PGGHG: variants seen among roughly 807,000 people sequenced by gnomAD.
PGGHG encodes the protein ATH1, acid trehalase-like 1.
PGGHG carries 67 observed loss-of-function variants against 74.5 expected under a neutral mutation model. The observed-to-expected ratio is 0.90, with a 90% CI of 0.74 to 1.10. The LOEUF is 1.10. PGGHG is among the 50% of genes least tolerant of loss of function. PGGHG has a pLI of 0.00. For synonymous variants in PGGHG, 496 were observed against 419.9 expected (o/e 1.18, Z -2.21); for missense variants, 1,034 against 981.5 (o/e 1.05, Z -0.72).
At position 294,626 on chromosome 11, in the gene PGGHG, C is replaced by T. The variant is rs376309304; in HGVS notation, c.2091C>T (p.Ser697=). ...CACCCCCGAAGCTGCCTGGAAGTTC[C>T]AGCTCCGAGTTCCCTGGGAGGACTT... ...QMSPPKLPGS[S]SSEFPGRTFS... Residue 697 remains serine, a synonymous_variant, in exon 14 of 14, where the codon TCC becomes TCT. Transcript: ENST00000409548. 4 of 1,525,616 alleles carry T rather than the reference C, an allele frequency of 2.6e-6. No homozygotes were observed. The highest frequency in any genetic ancestry group is 3.6e-6 in the Non-Finnish European group (4 of 1,125,746). The allele number at this position is 1,525,616 out of a possible 1,614,324, so 94.5% of individuals were successfully genotyped here.
intron 5 of PGGHG, 145 bp from the exon 6 acceptor site, chr11:292,401 G>A (rs568817235): frequency 9.0e-6 from 10 of 1,105,244 alleles, no homozygotes; most frequent in Admixed American, 4.7e-5. Context: ...CCGTGAGGAC[G>A]TGCAGTGGGC....
In PGGHG at chr11:293,608, C is replaced by T; in HGVS notation, c.1495C>T (p.Gln499Ter). The part of the protein sequence containing the change: ...DGYEPGEVVK[Q>*]ADVVLLGYPV... ...CCTCCCTGTAGGAGAGGTGGTGAAG[C>T]AGGCAGACGTCGTGCTCCTGGGATA... Residue 499 changes from glutamine to a stop codon, truncating the protein, a stop_gained, in exon 10 of 14, where the codon CAG (glutamine) becomes TAG (stop). Coordinates refer to ENST00000409548, the MANE Select transcript of PGGHG (RefSeq NM_025092.5). LOFTEE classifies it high-confidence loss of function. 1.4e-5 allele frequency: 22 copies of T among 1,613,576 alleles called. No individual in the cohort carries two copies. Among genetic ancestry groups the T allele is most frequent in the Non-Finnish European group, 1.7e-5 (20 of 1,179,980 alleles).
chr11:291,022 C>T lies in PGGHG; in HGVS notation c.815C>T (p.Ala272Val), dbSNP rs774149920. Reference sequence around the variant, plus strand: ...CTCAGTGCCCTGCCCCAGCCCAAGGCCCCAGGATACATCTGCCATGGCCTC... The same window carrying T: ...CTCAGTGCCCTGCCCCAGCCCAAGGTCCCAGGATACATCTGCCATGGCCTC... ...YLLSALPQPKAPGYICHGLSP... is the reference protein window; with the variant it reads ...YLLSALPQPKVPGYICHGLSP... Residue 272 changes from alanine (A) to valine (V), a missense_variant, in exon 4 of 14, where the codon GCC becomes GTC. Transcript: ENST00000409548. 6 of 1,612,388 alleles carry T rather than the reference C, an allele frequency of 3.7e-6. No individual in the cohort carries two copies. The highest frequency in any genetic ancestry group is 5.1e-6 in the Non-Finnish European group (6 of 1,179,832).
At chr11:291,640 G>A in intron 4 of PGGHG, 3 of 304,760 alleles carry the variant, frequency 9.8e-6, no homozygotes, top group Non-Finnish European at 6.2e-6. Flanking sequence ...TCCCGGTGCT[G>A]CCGCTGTGGC....
chr11:294,482 G>A lies in PGGHG; in HGVS notation c.2020+4G>A, dbSNP rs763860105. 20 of 1,605,490 alleles carry A rather than the reference G, an allele frequency of 1.2e-5. No homozygotes were observed. In the Admixed American group the frequency reaches 2.4e-4, roughly 19 times the overall value. Reference sequence around the variant, plus strand: ...TCCCGGCTCTCCCTGTTGCCAGGTAGAACAGCCCCCAACAGCCCAGGTGCC... The same window carrying A: ...TCCCGGCTCTCCCTGTTGCCAGGTAAAACAGCCCCCAACAGCCCAGGTGCC... On this transcript the variant is annotated splice_donor_region_variant and intron_variant, in intron 13 of 13. Transcript: ENST00000409548.
rs768462687 is a variant in PGGHG, at chr11:292,128, C to T, written c.1026+33C>T. 2.7e-6 allele frequency: 4 copies of T among 1,504,016 alleles called. No individual in the cohort carries two copies. In the South Asian group the frequency reaches 3.9e-5, roughly 14 times the overall value. 93.2% of individuals were successfully genotyped at this position (1,504,016 alleles called of 1,614,324 possible). ...GACCTGGGGCACTGGCCCGTAGGGC[C>T]CTGCAGGGCCTGCAGCCCCCACACC... On this transcript the variant is annotated intron_variant, in intron 5 of 13. Coordinates refer to ENST00000409548, the MANE Select transcript of PGGHG (RefSeq NM_025092.5).
At chr11:291,197 A>G (rs940658206) in intron 4 of PGGHG, 84 bp downstream of exon 4, 3 of 1,444,260 alleles carry the variant, frequency 2.1e-6, no homozygotes, top group Admixed American at 2.3e-5. Context: ...GACCAGGGCT[A>G]TGGTTGGGGA....
intron 4 of PGGHG, 164 bp from the exon 5 acceptor site, chr11:291,812 C>T: frequency 1.9e-6 from 2 of 1,037,584 alleles, no homozygotes; most frequent in Non-Finnish European, 2.7e-6. Flanking sequence ...GGGCTGGAGA[C>T]AGAACTGGGT....
chr11:294,649 CTT>C lies in PGGHG; in HGVS notation c.2118_2119del (p.Ser707ArgfsTer3). ...TCCAGCTCCGAGTTCCCTGGGAGGA[CTT>C]TTTCAGATGTTAGGGACCCGCTCCA... On this transcript the variant is annotated frameshift_variant, in exon 14 of 14. Coordinates refer to ENST00000409548, the MANE Select transcript of PGGHG (RefSeq NM_025092.5). LOFTEE classifies it low-confidence loss of function (END_TRUNC). 6.2e-7 allele frequency: 1 copy of C among 1,613,560 alleles called. No homozygotes were observed. Among genetic ancestry groups the C allele is most frequent in the South Asian group, 1.1e-5 (1 of 91,004 alleles).
At position 294,669 on chromosome 11, in the gene PGGHG, C is replaced by T. The variant is rs545638625; in HGVS notation, c.2134C>T (p.Pro712Ser). 5 of 1,613,540 alleles carry T rather than the reference C, an allele frequency of 3.1e-6. No homozygotes were observed. Among genetic ancestry groups the T allele is most frequent in the Non-Finnish European group, 4.2e-6 (5 of 1,179,962 alleles). The change falls in exon 14 of 14, where the codon CCG (proline) becomes TCG (serine). Residue 712 changes from proline (P) to serine (S), a missense_variant. Physicochemically the swap from Pro to Ser is moderately conservative, Grantham distance 74 (BLOSUM62 -1). Transcript: ENST00000409548. Reference protein sequence around the residue: ...PGRTFSDVRDPLQSPLWVTLG... With the variant: ...PGRTFSDVRDSLQSPLWVTLG... ...GAGGACTTTTTCAGATGTTAGGGAC[C>T]CGCTCCAGAGCCCCCTCTGGGTCAC...
chr11:291,822 TG>T, intron 4 of PGGHG, 153 bp from the exon 5 acceptor site: 1 of 1,093,316 alleles, frequency 9.1e-7, no homozygotes, highest in Non-Finnish European at 1.3e-6. Flanking sequence ...CAGAACTGGG[TG>T]GGCAGGTGGG....
rs1380323375 is a variant in PGGHG at position 292,581 on chromosome 11, C to T, written c.1062C>T (p.Gly354=). The T allele has an allele frequency of 1.2e-6, 2 of 1,613,584 alleles. No homozygotes were observed. Among genetic ancestry groups the T allele is most frequent in the East Asian group, 2.2e-5 (1 of 44,880 alleles). ...TTGCCTGGGAGAGTGCAGACTCCGG[C>T]CTAGAGGTTTGCCCTGAGGACATTT... ...AKFAWESADS[G]LEVCPEDIYG... Residue 354 remains glycine (G), a synonymous_variant, in exon 6 of 14, where the codon GGC becomes GGT. Coordinates refer to ENST00000409548, the MANE Select transcript of PGGHG (RefSeq NM_025092.5).
rs778959511 is a variant in PGGHG at position 290,909 on chromosome 11, C to T, written c.702C>T (p.Ala234=). Residue 234 remains alanine (A), a synonymous_variant, in exon 4 of 14, where the codon GCC becomes GCT. Coordinates refer to ENST00000409548, the MANE Select transcript of PGGHG (RefSeq NM_025092.5). ...RGALYTAHAQ[A]WAQLWVECGL... ...CTCTGTATACGGCTCACGCACAGGC[C>T]TGGGCCCAGCTCTGGGTAGAATGTG... The T allele has an allele frequency of 1.2e-6, 2 of 1,612,280 alleles. No individual in the cohort carries two copies. The highest frequency in any genetic ancestry group is 1.1e-5 in the South Asian group (1 of 90,964).
At chr11:290,254 C>A in intron 2 of PGGHG, 136 bp from the exon 3 acceptor site, 1 of 1,350,792 alleles carries the variant, frequency 7.4e-7, no homozygotes, top group Non-Finnish European at 1.0e-6. Context: ...TCCTGTGCAG[C>A]TGTAGCGGGA....
intron 2 of PGGHG, 111 bp from the exon 3 acceptor site, chr11:290,279 G>A: frequency 7.3e-7 from 1 of 1,377,538 alleles, no homozygotes; most frequent in Admixed American, 2.1e-5. Flanking sequence ...GCAGCCGAGG[G>A]CCCAGAGGGA....
Position 292,987 on chromosome 11 carries a change from C to T in PGGHG, c.1260C>T (p.Tyr420=), listed in dbSNP as rs1321832965. The part of the protein sequence containing the change: ...RVEWSPREEK[Y]HLRGVMSPDE... ...AGTGGAGCCCCAGGGAGGAAAAGTACCACCTGAGGGGTGAGGCCATGGTGG... is the reference window on the plus strand; with the variant it reads ...AGTGGAGCCCCAGGGAGGAAAAGTATCACCTGAGGGGTGAGGCCATGGTGG... The change falls in exon 7 of 14, where the codon TAC becomes TAT. Residue 420 remains tyrosine (Y), a synonymous_variant. Transcript: ENST00000409548. 1.2e-6 allele frequency: 2 copies of T among 1,603,478 alleles called. No homozygotes were observed. The highest frequency in any genetic ancestry group is 1.7e-6 in the Non-Finnish European group (2 of 1,174,548).
chr11:289,512 G>A lies in PGGHG; in HGVS notation c.-14+273G>A, dbSNP rs1171348632. ...GGGGGCAAGACCGGGGTTGTGGGGG[G>A]TGCGTTTGGAAAGCAGGGTTAGGAC... is the stretch of plus-strand genomic sequence containing the variant. On this transcript the variant is annotated intron_variant, in intron 1 of 13. Coordinates refer to ENST00000409548, the MANE Select transcript of PGGHG (RefSeq NM_025092.5). This position sits in a 1 kb window ranked among gnomAD's most constrained non-coding sequence, Gnocchi z 5.6. 5.1e-6 allele frequency: 2 copies of A among 394,620 alleles called. No individual in the cohort carries two copies. The highest frequency in any genetic ancestry group is 4.6e-5 in the East Asian group (1 of 21,970). 24.4% of individuals were successfully genotyped at this position (394,620 alleles called of 1,614,324 possible).
chr11:290,158 C>A (rs3809107), intron 2 of PGGHG, 83 bp downstream of exon 2: 2 of 1,457,308 alleles, frequency 1.4e-6, no homozygotes, highest in Non-Finnish European at 1.8e-6. Context: ...ATCCCACCAG[C>A]ACCTCCTGAG....
intron 4 of PGGHG, 73 bp from the exon 5 acceptor site, chr11:291,903 G>A: frequency 6.6e-7 from 1 of 1,517,676 alleles, no homozygotes; most frequent in Non-Finnish European, 8.8e-7. Context: ...GCTCTGCCGG[G>A]GCGGAATGTG....
Sources: allele counts gnomAD v4.1 joint callset, GRCh38; gene constraint gnomAD v4.1.1; non-coding constraint Gnocchi (gnomAD v3.1); transcripts MANE v1.5; gene names NCBI Gene and HGNC (gene_info 2026-07-23, HGNC 2026-07-21).